The following CCDC7 variants were observed in gnomAD, a reference collection of about 807,000 sequenced individuals.
CCDC7 encodes coiled-coil domain containing 7.
Under a neutral mutation model 196.9 loss-of-function variants are expected in CCDC7, and 183 were observed. The observed-to-expected ratio is 0.93, with a 90% CI of 0.82 to 1.05. CCDC7 has a LOEUF of 1.05. Ranked by LOEUF, CCDC7 falls within the 50% of genes least tolerant of loss-of-function variation. The probability of loss-of-function intolerance (pLI) is 0.00; values close to 1 mark genes in which losing one functional copy is unlikely to be tolerated. For synonymous variants in CCDC7, 525 were observed against 484.6 expected (o/e 1.08, Z -1.10); for missense variants, 1,540 against 1,482.2 (o/e 1.04, Z -0.64).
intron 9 of CCDC7, among the ~76,000 whole-genome samples, chr10:32,495,114 G>A (rs1260851753): frequency 1.3e-5 from 2 of 152,194 alleles, no homozygotes; most frequent in Non-Finnish European, 2.9e-5. Context: ...ATATCTCATT[G>A]TGGTTTTGAT....
chr10:32,815,226 A>G (rs1217918337), intron 31 of CCDC7, among the ~76,000 whole-genome samples: 1 of 152,186 alleles, frequency 6.6e-6, no homozygotes, highest in Non-Finnish European at 1.5e-5. Flanking sequence ...CCCAAACACA[A>G]GGAAAAAGGC....
intron 41 of CCDC7, among the ~76,000 whole-genome samples, chr10:32,855,691 ACCT>A (rs2093725273): frequency 6.6e-6 from 1 of 152,168 alleles, no homozygotes; most frequent in Non-Finnish European, 1.5e-5. Context: ...CCCACTGCTC[ACCT>A]CCTGCTGTGT....
At chr10:32,842,803 G>A (rs551148387) in intron 33 of CCDC7, among the ~76,000 whole-genome samples, 83 of 152,172 alleles carry the variant, frequency 5.5e-4, no homozygotes, top group African/African-American at 1.8e-3. Context: ...CAACCTGAAT[G>A]GAATTGGAGA....
intron 28 of CCDC7, among the ~76,000 whole-genome samples, chr10:32,774,617 T>G (rs1216305004): frequency 2.6e-5 from 4 of 152,222 alleles, no homozygotes; most frequent in African/African-American, 9.6e-5. Context: ...GATGGTATTC[T>G]TGTCTTTGAA....
At chr10:32,689,633 G>C (rs1565150300) in intron 23 of CCDC7, among the ~76,000 whole-genome samples, 1 of 152,162 alleles carries the variant, frequency 6.6e-6, no homozygotes. Context: ...CCACTGAAAT[G>C]AAACAGAATT....
chr10:32,630,196 C>T (rs963902556), intron 18 of CCDC7, among the ~76,000 whole-genome samples: 10 of 152,038 alleles, frequency 6.6e-5, no homozygotes, highest in Non-Finnish European at 1.3e-4. Context: ...TGAGGGAAAT[C>T]CTCTGATCCC....
chr10:32,490,763 A>G (rs1171486907), intron 8 of CCDC7, among the ~76,000 whole-genome samples: 3 of 151,848 alleles, frequency 2.0e-5, no homozygotes, highest in Non-Finnish European at 4.4e-5. Context: ...GCGCCACTGC[A>G]CTCCAGCCTG....
chr10:32,460,796 T>C lies in CCDC7; in HGVS notation c.457-1887T>C, dbSNP rs1252711937. The stretch of plus-strand genomic sequence containing the variant: ...GCAAAGCAATCACCTGCAGGTCTAG[T>C]TACAACACAAATTGTTAGTCCCACT... On this transcript the variant is annotated intron_variant, in intron 3 of 41. Transcript: ENST00000639629. Among the ~76,000 whole-genome samples the C allele has an allele frequency of 3.9e-5, 6 of 152,204 alleles. No individual in the cohort carries two copies. In the East Asian group the frequency reaches 1.2e-3, roughly 29 times the overall value.
chr10:32,685,016 C>T (rs964858681), intron 21 of CCDC7, among the ~76,000 whole-genome samples: 5 of 151,496 alleles, frequency 3.3e-5, no homozygotes, highest in East Asian at 1.9e-4. Context: ...AAAAAATATG[C>T]GAGGTATACT....
At chr10:32,706,429 C>A (rs1441372526) in intron 24 of CCDC7, among the ~76,000 whole-genome samples, 1 of 152,034 alleles carries the variant, frequency 6.6e-6, no homozygotes. Flanking sequence ...CAAGAGCAAA[C>A]ACATTCAAAA....
intron 20 of CCDC7, among the ~76,000 whole-genome samples, chr10:32,637,949 C>T (rs1156698059): frequency 6.6e-6 from 1 of 152,036 alleles, no homozygotes; most frequent in African/African-American, 2.4e-5. Context: ...CCTTCACATC[C>T]CTTGTAAGTT....
chr10:32,581,710 T>C (rs1434857048), intron 16 of CCDC7, among the ~76,000 whole-genome samples: 6 of 152,170 alleles, frequency 3.9e-5, no homozygotes, highest in Non-Finnish European at 7.3e-5. Context: ...ATTTAAGGCA[T>C]TGTTCTTTGT....
chr10:32,622,907 G>A (rs1376209983), intron 18 of CCDC7, among the ~76,000 whole-genome samples: 1 of 152,096 alleles, frequency 6.6e-6, no homozygotes, highest in Non-Finnish European at 1.5e-5. Context: ...TTTTATGCCT[G>A]AGCATTGCAA....
chr10:32,466,097 G>T lies in CCDC7; in HGVS notation c.510+3048G>T, dbSNP rs568733270. 4.6e-4 allele frequency among the ~76,000 whole-genome samples: 70 copies of T among 152,182 alleles called. 1 individual carries two copies. In the South Asian group the frequency reaches 5.8e-3, roughly 13 times the overall value. On this transcript the variant is annotated intron_variant, in intron 5 of 41. Transcript: ENST00000639629. ...ACCAGTGCATTCATAATCACCAGGA[G>T]GAATCCCCACTGCACAGTATACTTC...
chr10:32,809,926 C>T (rs943810309), intron 30 of CCDC7, among the ~76,000 whole-genome samples: 6 of 42,298 alleles, frequency 1.4e-4, no homozygotes, highest in Admixed American at 1.0e-3. Context: ...GACACATGCA[C>T]GCATATGTTT....
At chr10:32,714,048 G>C (rs746400376) in intron 25 of CCDC7, among the ~76,000 whole-genome samples, 4 of 152,136 alleles carry the variant, frequency 2.6e-5, no homozygotes, top group African/African-American at 9.7e-5. Flanking sequence ...GCCCTTTGTT[G>C]GTTCTCTAAT....
intron 18 of CCDC7, among the ~76,000 whole-genome samples, chr10:32,625,280 TTGG>T (rs2063880802): frequency 6.6e-6 from 1 of 151,850 alleles, no homozygotes; most frequent in South Asian, 2.1e-4. Flanking sequence ...TCATTGTGTA[TTGG>T]TGGCACCCCT....
intron 33 of CCDC7, among the ~76,000 whole-genome samples, chr10:32,844,024 C>T (rs1265518866): frequency 6.6e-6 from 1 of 151,904 alleles, no homozygotes; most frequent in Non-Finnish European, 1.5e-5. Flanking sequence ...GCAAAACTTC[C>T]ATTCTATGGT....
At chr10:32,691,772 C>T (rs112459448) in intron 23 of CCDC7, among the ~76,000 whole-genome samples, 6,462 of 152,054 alleles carry the variant, frequency 0.042, 460 homozygotes, top group African/African-American at 0.15. Flanking sequence ...TTAGAGACAG[C>T]GGAGTGCCTC....
Sources: gnomAD v4.1 joint callset for allele counts (sites outside exome capture counted in the v4.1 genomes callset) on GRCh38, gnomAD v4.1.1 for gene constraint, MANE v1.5 for transcripts, NCBI Gene and HGNC (gene_info 2026-07-23, HGNC 2026-07-21) for gene names.